The following ZC3H4 variants were observed in gnomAD, a reference collection of about 807,000 sequenced individuals.
ZC3H4 encodes the protein zinc finger CCCH-type containing 4.
Under a neutral mutation model 108.3 loss-of-function variants are expected in ZC3H4, and 13 were observed. That is an observed-to-expected ratio of 0.12 (90% confidence interval 0.08 to 0.19). The LOEUF is 0.19. ZC3H4 is among the 10% of genes least tolerant of loss of function. The probability of loss-of-function intolerance (pLI) is 1.00; values close to 1 mark genes in which losing one functional copy is unlikely to be tolerated. For synonymous variants in ZC3H4, 917 were observed against 749.6 expected (o/e 1.22, Z -3.65); for missense variants, 1,734 against 1,838.8 (o/e 0.94, Z 1.04).
chr19:47,089,870 TA>T, intron 5 of ZC3H4, 96 bp downstream of exon 5: 1 of 1,307,002 alleles, frequency 7.7e-7, no homozygotes, highest in Non-Finnish European at 1.1e-6. Flanking sequence ...ATCCCAACCC[TA>T]AGTGACCAAA....
chr19:47,074,337 A>G (rs534413859), intron 11 of ZC3H4, among the ~76,000 whole-genome samples: 1 of 151,760 alleles, frequency 6.6e-6, no homozygotes, highest in Non-Finnish European at 1.5e-5. Flanking sequence ...CTCCCCATCA[A>G]CTCCAAGAGG....
chr19:47,081,485 C>T lies in ZC3H4; in HGVS notation c.1440+28G>A, dbSNP rs780330005. On this transcript the variant is annotated intron_variant, in intron 11 of 14. Transcript: ENST00000253048. ...GTGCGCATGTCCCAGTTCCTGTAGC[C>T]GGGGGCCCCGTTACCCCCGGACATT... 8.1e-6 allele frequency: 13 copies of T among 1,599,740 alleles called. No homozygotes were observed. The African/African-American group carries it at 9.4e-5, about 12-fold the overall frequency.
Position 47,093,974 on chromosome 19 carries a change from G to T in ZC3H4, c.488C>A (p.Ala163Glu). 6.2e-7 allele frequency: 1 copy of T among 1,612,732 alleles called. No individual in the cohort carries two copies. ...CAGTGCATGCCAGTCACTCACCGGCGCATATGGGGGGCTGTACTCTCTGTA... is the reference window on the plus strand; with the variant it reads ...CAGTGCATGCCAGTCACTCACCGGCTCATATGGGGGGCTGTACTCTCTGTA... Reference protein sequence around the residue: ...RKYREYSPPYAPSHQQYPPSH... With the variant: ...RKYREYSPPYEPSHQQYPPSH... The change falls in exon 4 of 15, where the codon GCG (alanine) becomes GAG (glutamate). Residue 163 changes from alanine (A) to glutamate (E), a missense_variant. By Grantham distance (107) the Ala-to-Glu change is moderately radical. This residue lies in a region of ZC3H4 where 403 missense variants were observed against 457.0 expected (regional missense o/e 0.88). Transcript: ENST00000253048.
At chr19:47,111,987 T>C (rs528789318) in intron 2 of ZC3H4, among the ~76,000 whole-genome samples, 14 of 151,516 alleles carry the variant, frequency 9.2e-5, no homozygotes, top group Admixed American at 3.9e-4. Context: ...CCCTCCCCCA[T>C]CCCCTTCCCC....
At chr19:47,105,249 G>A (rs2057953607) in intron 2 of ZC3H4, among the ~76,000 whole-genome samples, 1 of 152,184 alleles carries the variant, frequency 6.6e-6, no homozygotes, top group African/African-American at 2.4e-5. Flanking sequence ...CTCTGCTGCT[G>A]TAACGTAGAA....
chr19:47,085,216 G>T (rs1423385161), intron 7 of ZC3H4, 21 bp from the exon 8 acceptor site: 7 of 1,591,622 alleles, frequency 4.4e-6, no homozygotes, highest in Non-Finnish European at 6.0e-6. Context: ...GAGATTGTGT[G>T]AAGACCTGCT....
rs1568573899 is a variant in ZC3H4 at position 47,112,558 on chromosome 19, CG to C, written c.26del (p.Pro9ArgfsTer95). On this transcript the variant is annotated frameshift_variant, in exon 2 of 15. Coordinates refer to ENST00000253048, the MANE Select transcript of ZC3H4 (RefSeq NM_015168.2). LOFTEE classifies it high-confidence loss of function. The part of the protein sequence containing the change: MEAAPGTP[P>X]PPPSESPPPP... ...GCGGCGGCGACTCTGATGGCGGCGG[CG>C]GGGGGGTCCCGGGCGCGGCCTCCAT... 1.5e-4 allele frequency: 152 copies of C among 1,016,046 alleles called. No homozygotes were observed. Among genetic ancestry groups the C allele is most frequent in the Non-Finnish European group, 1.7e-4 (132 of 788,606 alleles). The allele number at this position is 1,016,046 out of a possible 1,614,324, so 62.9% of individuals were successfully genotyped here. A position where few individuals can be genotyped will look rare whatever the true frequency, so the allele number is the denominator to read the frequency against.
chr19:47,093,980 G>C lies in ZC3H4; in HGVS notation c.482C>G (p.Pro161Arg). Residue 161 changes from proline to arginine, a missense_variant, in exon 4 of 15, where the codon CCA (proline) becomes CGA (arginine). Pro to Arg is a moderately radical substitution (Grantham distance 103). This residue lies in a region of ZC3H4 where 403 missense variants were observed against 457.0 expected (regional missense o/e 0.88). Coordinates refer to ENST00000253048, the MANE Select transcript of ZC3H4 (RefSeq NM_015168.2). ...GHRKYREYSP[P>R]YAPSHQQYPP... ...ATGCCAGTCACTCACCGGCGCATAT[G>C]GGGGGCTGTACTCTCTGTACTTGCG... The C allele has an allele frequency of 1.9e-6, 3 of 1,613,226 alleles. No homozygotes were observed. The highest frequency in any genetic ancestry group is 1.1e-5 in the South Asian group (1 of 91,052).
At chr19:47,112,133 G>C in intron 2 of ZC3H4, 1 of 1,100,606 alleles carries the variant, frequency 9.1e-7, no homozygotes, top group Non-Finnish European at 1.1e-6. Context: ...GGGGGTCCGA[G>C]GGGCGCCTCC....
intron 2 of ZC3H4, among the ~76,000 whole-genome samples, chr19:47,096,616 G>A (rs895358012): frequency 5.3e-5 from 8 of 152,196 alleles, no homozygotes; most frequent in African/African-American, 1.4e-4. Flanking sequence ...AGGGAGAGAC[G>A]GACAGACTGA....
At chr19:47,068,220 C>T (rs309194) in intron 14 of ZC3H4, among the ~76,000 whole-genome samples, 72,656 of 152,154 alleles carry the variant, frequency 0.48, 19,584 homozygotes, top group East Asian at 0.8. Context: ...GGGCCAGGAT[C>T]GGGCTAGGAC....
At chr19:47,099,809 T>G (rs2057877585) in intron 2 of ZC3H4, among the ~76,000 whole-genome samples, 1 of 143,182 alleles carries the variant, frequency 7.0e-6, no homozygotes, top group African/African-American at 2.7e-5. Flanking sequence ...ATCAACCTGG[T>G]TTACAAGAGT....
intron 11 of ZC3H4, among the ~76,000 whole-genome samples, chr19:47,080,021 C>A (rs2057493541): frequency 6.6e-6 from 1 of 152,222 alleles, no homozygotes; most frequent in Non-Finnish European, 1.5e-5. Context: ...CTGCACCCCT[C>A]ACAGGGGTGC....
chr19:47,070,606 C>A (rs1039322022), intron 13 of ZC3H4, among the ~76,000 whole-genome samples: 6 of 152,156 alleles, frequency 3.9e-5, no homozygotes, highest in Non-Finnish European at 8.8e-5. Context: ...ACTGTGGCAG[C>A]CTGTTTTTCT....
intron 11 of ZC3H4, among the ~76,000 whole-genome samples, chr19:47,077,549 A>T (rs1702680519): frequency 6.6e-6 from 1 of 151,970 alleles, no homozygotes. Context: ...GCACTCAGAT[A>T]AATTTAGAAG....
At chr19:47,109,241 T>C (rs1271015505) in intron 2 of ZC3H4, among the ~76,000 whole-genome samples, 2 of 152,218 alleles carry the variant, frequency 1.3e-5, no homozygotes, top group Non-Finnish European at 2.9e-5. Context: ...TAGGTCTTAA[T>C]GGATGAGATT....
Position 47,071,998 on chromosome 19 carries a change from AGGGTGCATGTCC to A in ZC3H4, c.1914_1925del (p.Pro642_His645del), listed in dbSNP as rs762005981. 1,179 of 1,583,036 alleles carry A rather than the reference AGGGTGCATGTCC, an allele frequency of 7.4e-4. 1 individual carries two copies. The highest frequency in any genetic ancestry group is 1.0e-3 in the Middle Eastern group (6 of 6,028). ...CTGCGTGCATGTCTGCGTGCATGTC[AGGGTGCATGTCC>A]GGGTGCATGTCGGGGTGCATGTCAG... is the stretch of plus-strand genomic sequence containing the variant. On this transcript the variant is annotated inframe_deletion, in exon 13 of 15. Coordinates refer to ENST00000253048, the MANE Select transcript of ZC3H4 (RefSeq NM_015168.2).
chr19:47,093,763 G>A, intron 4 of ZC3H4: 1 of 464,142 alleles, frequency 2.2e-6, no homozygotes, highest in Non-Finnish European at 3.9e-6. Flanking sequence ...TTTATTTTTT[G>A]TGGGGTCTCA....
chr19:47,076,537 A>C (rs2122771914), intron 11 of ZC3H4, among the ~76,000 whole-genome samples: 1 of 152,302 alleles, frequency 6.6e-6, no homozygotes, highest in African/African-American at 2.4e-5. Flanking sequence ...TGGGGTGGTG[A>C]CATGACTCAA....
Sources: gnomAD v4.1 joint callset for allele counts (sites outside exome capture counted in the v4.1 genomes callset) on GRCh38, gnomAD v4.1.1 for gene constraint, gnomAD v4.1.1 regional missense constraint, MANE v1.5 for transcripts, NCBI Gene and HGNC (gene_info 2026-07-23, HGNC 2026-07-21) for gene names.